Variants in RPA1 observed in about 807,000 individuals in gnomAD.
RPA1 encodes replication protein A1.
A neutral mutation model predicts 83.0 loss-of-function variants in RPA1; 49 were observed. That is an observed-to-expected ratio of 0.59 (90% CI 0.47 to 0.75). The LOEUF (loss-of-function observed/expected upper bound fraction) is 0.75, where lower values mean the gene tolerates loss of function less well. Ranked by LOEUF, RPA1 falls within the 30% of genes least tolerant of loss-of-function variation. The pLI is 0.00. For synonymous variants in RPA1, 279 were observed against 281.8 expected (o/e 0.99, Z 0.10); for missense variants, 693 against 776.1 (o/e 0.89, Z 1.27).
rs892929336 is a variant in RPA1 at position 1,899,823 on chromosome 17, G to C, written c.*2648G>C. On this transcript the variant is annotated 3_prime_UTR_variant, in exon 17 of 17. Coordinates refer to ENST00000254719, the MANE Select transcript of RPA1 (RefSeq NM_002945.5). ...TTATAGAGGATGAAACAGGTTGTTT[G>C]GTCTCCTTTTCTTCTTTTCACCTGT... 4 of 152,086 alleles carry C rather than the reference G, an allele frequency of 2.6e-5. No homozygotes were observed. Among genetic ancestry groups the C allele is most frequent in the Admixed American group, 2.6e-4 (4 of 15,268 alleles). 9.4% of individuals were successfully genotyped at this position (152,086 alleles called of 1,614,324 possible).
Position 1,866,616 on chromosome 17 carries a change from C to T in RPA1, c.362-5818C>T, listed in dbSNP as rs1913184297. 3.3e-5 allele frequency among the ~76,000 whole-genome samples: 5 copies of T among 151,364 alleles called. No homozygotes were observed. In the South Asian group the frequency reaches 1.1e-3, roughly 32 times the overall value. ...ATAGGCGTGGGCCACTGCGCCCGGC[C>T]ACCGGCTAATTTTTTTATATTTTTA... On this transcript the variant is annotated intron_variant, in intron 5 of 16. Transcript: ENST00000254719.
At chr17:1,866,307 A>T (rs192472898) in intron 5 of RPA1, among the ~76,000 whole-genome samples, 129 of 124,934 alleles carry the variant, frequency 1.0e-3, no homozygotes, top group African/African-American at 3.2e-3. Flanking sequence ...ATGCTTAGAG[A>T]TCTTTTTTTT....
At chr17:1,855,341 G>GTT (rs1391856893) in intron 5 of RPA1, among the ~76,000 whole-genome samples, 3 of 146,872 alleles carry the variant, frequency 2.0e-5, no homozygotes, top group Non-Finnish European at 4.4e-5. Flanking sequence ...TTGTGTGTGT[G>GTT]TGTGTGTGTG....
In RPA1 at chr17:1,879,195, TG is replaced by T. The variant is rs777321806; in HGVS notation, c.760-18del. 3.1e-6 allele frequency: 5 copies of T among 1,611,596 alleles called. No individual in the cohort carries two copies. The highest frequency in any genetic ancestry group is 4.2e-6 in the Non-Finnish European group (5 of 1,178,226). ...GATTTGATGGTAGTCTCAGGTTCTG[TG>T]GCTTGGCCTCCTTCGCAGGTGTATT... On this transcript the variant is annotated intron_variant, in intron 9 of 16. Transcript: ENST00000254719.
chr17:1,855,048 G>C (rs1331107014), intron 5 of RPA1, among the ~76,000 whole-genome samples: 1 of 152,172 alleles, frequency 6.6e-6, no homozygotes, highest in Non-Finnish European at 1.5e-5. Context: ...TCTGTTCCTA[G>C]TTGGTGAGGG....
At chr17:1,866,249 A>G (rs1243581713) in intron 5 of RPA1, among the ~76,000 whole-genome samples, 3 of 152,108 alleles carry the variant, frequency 2.0e-5, no homozygotes, top group Non-Finnish European at 2.9e-5. Context: ...CTCAAAAAAC[A>G]ACAAAAAAAT....
At chr17:1,893,858 T>C (rs1914289564) in intron 15 of RPA1, among the ~76,000 whole-genome samples, 2 of 151,896 alleles carry the variant, frequency 1.3e-5, no homozygotes, top group African/African-American at 4.8e-5. Flanking sequence ...TGAGTGTTTT[T>C]CCTTTTTTTC....
chr17:1,831,814 T>C lies in RPA1; in HGVS notation c.33+1688T>C, dbSNP rs549778452. 3.0e-3 allele frequency among the ~76,000 whole-genome samples: 461 copies of C among 151,594 alleles called. 2 individuals carry two copies. Among genetic ancestry groups the C allele is most frequent in the African/African-American group, 9.9e-3 (410 of 41,302 alleles). ...CGGGGTTTCACCGTGTTAGCCAGGA[T>C]GGTCTCGATCTCCTGACCTTGTGAT... On this transcript the variant is annotated intron_variant, in intron 1 of 16. Coordinates refer to ENST00000254719, the MANE Select transcript of RPA1 (RefSeq NM_002945.5).
At chr17:1,893,951 C>G (rs1412382318) in intron 15 of RPA1, among the ~76,000 whole-genome samples, 1 of 151,620 alleles carries the variant, frequency 6.6e-6, no homozygotes, top group African/African-American at 2.4e-5. Context: ...GCTTCAAACT[C>G]TTGGGCTCAG....
intron 14 of RPA1, among the ~76,000 whole-genome samples, chr17:1,891,340 C>T (rs546593633): frequency 6.6e-6 from 1 of 152,316 alleles, no homozygotes; most frequent in Non-Finnish European, 1.5e-5. Context: ...TGGAACTCCT[C>T]CTAGGAACTA....
At chr17:1,831,855 T>A (rs948983582) in intron 1 of RPA1, among the ~76,000 whole-genome samples, 4 of 145,674 alleles carry the variant, frequency 2.7e-5, no homozygotes, top group Non-Finnish European at 6.0e-5. Flanking sequence ...CGCCTCGGCC[T>A]CCCAAAGTGT....
At chr17:1,844,057 G>T in intron 3 of RPA1, 59 bp downstream of exon 3, 2 of 1,470,412 alleles carry the variant, frequency 1.4e-6, no homozygotes, top group South Asian at 1.2e-5. Context: ...AAGCACACCT[G>T]GTCCTTTGGT....
intron 4 of RPA1, among the ~76,000 whole-genome samples, chr17:1,844,936 C>T (rs1176212155): frequency 1.3e-5 from 2 of 151,912 alleles, no homozygotes; most frequent in African/African-American, 4.8e-5. Flanking sequence ...TAGGATTTCC[C>T]CCAAAAGAAT....
chr17:1,890,614 G>C (rs1037024325), intron 14 of RPA1, among the ~76,000 whole-genome samples: 3 of 152,178 alleles, frequency 2.0e-5, no homozygotes, highest in Admixed American at 1.3e-4. Flanking sequence ...AGTGAGCCAC[G>C]ATCGCGCCAC....
intron 1 of RPA1, among the ~76,000 whole-genome samples, chr17:1,833,554 C>G (rs1331439918): frequency 6.6e-6 from 1 of 152,104 alleles, no homozygotes; most frequent in African/African-American, 2.4e-5. Flanking sequence ...GTCTTTAAGA[C>G]AAATTAAGAA....
At chr17:1,868,099 A>AT (rs1229627581) in intron 5 of RPA1, among the ~76,000 whole-genome samples, 17 of 152,158 alleles carry the variant, frequency 1.1e-4, no homozygotes, top group Admixed American at 1.1e-3. Context: ...GGAAAAAAAA[A>AT]GAAAATAAAC....
At chr17:1,894,352 A>C (rs1453341186) in intron 15 of RPA1, among the ~76,000 whole-genome samples, 1 of 152,014 alleles carries the variant, frequency 6.6e-6, no homozygotes, top group Non-Finnish European at 1.5e-5. Flanking sequence ...TTTTTAGTAG[A>C]GATGGGGTTT....
chr17:1,879,511 C>G, intron 10 of RPA1, 49 bp from the exon 11 acceptor site: 7 of 1,613,026 alleles, frequency 4.3e-6, no homozygotes, highest in Non-Finnish European at 5.9e-6. Context: ...TTGCTGGCGT[C>G]GGAATGGGAG....
At chr17:1,872,977 A>C (rs750428456) in intron 6 of RPA1, among the ~76,000 whole-genome samples, 23 of 152,212 alleles carry the variant, frequency 1.5e-4, no homozygotes, top group Non-Finnish European at 2.9e-4. Context: ...TGTCCAGCCA[A>C]AGATAATCTT....
Sources: gnomAD v4.1 joint callset for allele counts (sites outside exome capture counted in the v4.1 genomes callset) on GRCh38, gnomAD v4.1.1 for gene constraint, MANE v1.5 for transcripts, NCBI Gene and HGNC (gene_info 2026-07-23, HGNC 2026-07-21) for gene names.